Variants in PARD3B observed in about 807,000 individuals in gnomAD.
PARD3B encodes the protein par-3 family cell polarity regulator beta.
In PARD3B, 103 loss-of-function variants were observed where a neutral mutation model predicts 130.2. That is an observed-to-expected ratio of 0.79 (90% confidence interval 0.67 to 0.93). The LOEUF (loss-of-function observed/expected upper bound fraction) is 0.93. Among genes scored for constraint, PARD3B ranks in the 40% least tolerant of loss-of-function variants. PARD3B has a pLI of 0.00. For missense variants in PARD3B, 1,609 were observed against 1,499.2 expected (o/e 1.07, Z -1.21); for synonymous variants, 583 against 553.2 (o/e 1.05, Z -0.76).
intron 2 of PARD3B, among the ~76,000 whole-genome samples, chr2:204,836,595 G>A (rs1316143269): frequency 2.6e-5 from 4 of 152,150 alleles, no homozygotes; most frequent in Non-Finnish European, 5.9e-5. Context: ...CCCAGGAGGC[G>A]GAAGTTGGTG....
intron 2 of PARD3B, among the ~76,000 whole-genome samples, chr2:204,856,472 T>C (rs1392925863): frequency 1.3e-5 from 2 of 152,170 alleles, no homozygotes; most frequent in African/African-American, 4.8e-5. Flanking sequence ...GCAAATATTT[T>C]CTCCCAATCT....
chr2:204,643,758 G>A (rs1450550991), intron 1 of PARD3B, among the ~76,000 whole-genome samples: 3 of 152,142 alleles, frequency 2.0e-5, no homozygotes, highest in African/African-American at 7.2e-5. Context: ...AAGGATACTA[G>A]CAATTGCCTA....
intron 1 of PARD3B, among the ~76,000 whole-genome samples, chr2:204,572,918 G>C (rs1265317816): frequency 6.6e-6 from 1 of 152,188 alleles, no homozygotes; most frequent in Admixed American, 6.5e-5. Flanking sequence ...GGCTGCTTTG[G>C]AAATGACCAC....
At chr2:205,159,024 C>T in intron 11 of PARD3B, 117 bp downstream of exon 11, 3 of 1,081,688 alleles carry the variant, frequency 2.8e-6, no homozygotes, top group Non-Finnish European at 4.0e-6. Flanking sequence ...GACTTTCCCG[C>T]CAGATACAAA....
intron 2 of PARD3B, among the ~76,000 whole-genome samples, chr2:204,711,167 TA>T (rs2038414310): frequency 6.6e-6 from 1 of 152,224 alleles, no homozygotes; most frequent in Non-Finnish European, 1.5e-5. Flanking sequence ...TATGTTCTGA[TA>T]ACTGGACTTA....
chr2:205,444,867 G>C (rs1479414368), intron 20 of PARD3B, among the ~76,000 whole-genome samples: 1 of 152,168 alleles, frequency 6.6e-6, no homozygotes, highest in Non-Finnish European at 1.5e-5. Flanking sequence ...AGTGGAATAA[G>C]GACTAAAAAG....
rs2054112552 is a variant in PARD3B at position 205,584,336 on chromosome 2, T to C, written c.3260+30933T>C. 4.6e-5 allele frequency among the ~76,000 whole-genome samples: 7 copies of C among 152,192 alleles called. No homozygotes were observed. In the South Asian group the frequency reaches 1.5e-3, roughly 32 times the overall value. On this transcript the variant is annotated intron_variant, in intron 22 of 22. Transcript: ENST00000406610. This position sits in a 1 kb window ranked among gnomAD's most constrained non-coding sequence, Gnocchi z 5.5. The stretch of plus-strand genomic sequence containing the variant: ...ATATATTGGGTTAAGTAAAATAAAT[T>C]ATTAAAATTAGTTTTACTTTTGAAT...
chr2:205,176,433 T>C lies in PARD3B; in HGVS notation c.1792-12T>C. ...TAAAAATGCAAATGTAATTTTTACTTTTATCTCTTAGGATCCTGCAGAGTG... is the reference window on the plus strand; with the variant it reads ...TAAAAATGCAAATGTAATTTTTACTCTTATCTCTTAGGATCCTGCAGAGTG... On this transcript the variant is annotated splice_polypyrimidine_tract_variant and intron_variant, in intron 12 of 22. Coordinates refer to ENST00000406610, the MANE Select transcript of PARD3B (RefSeq NM_001302769.2). This position sits in a 1 kb window ranked among gnomAD's most constrained non-coding sequence, Gnocchi z 5.3. 2 of 1,583,440 alleles carry C rather than the reference T, an allele frequency of 1.3e-6. No homozygotes were observed. Among genetic ancestry groups the C allele is most frequent in the Non-Finnish European group, 1.7e-6 (2 of 1,170,496 alleles).
chr2:205,374,812 C>A (rs2044975638), intron 18 of PARD3B, among the ~76,000 whole-genome samples: 1 of 152,000 alleles, frequency 6.6e-6, no homozygotes, highest in Non-Finnish European at 1.5e-5. Flanking sequence ...TAAAATGAAA[C>A]AAGCCAAGAA....
chr2:205,448,084 C>T (rs955235103), intron 20 of PARD3B, among the ~76,000 whole-genome samples: 4 of 152,200 alleles, frequency 2.6e-5, no homozygotes, highest in Non-Finnish European at 5.9e-5. Flanking sequence ...AGCAAATGAC[C>T]TTGAGAAGTT....
intron 15 of PARD3B, among the ~76,000 whole-genome samples, chr2:205,223,227 G>A (rs1408013152): frequency 6.6e-6 from 1 of 152,148 alleles, no homozygotes; most frequent in Non-Finnish European, 1.5e-5. Context: ...AAGGTAAAAA[G>A]GGTACAAATC....
chr2:205,199,333 G>C (rs1372630628), intron 15 of PARD3B, among the ~76,000 whole-genome samples: 1 of 152,074 alleles, frequency 6.6e-6, no homozygotes, highest in East Asian at 1.9e-4. Flanking sequence ...GGAAGAAAGG[G>C]AAGAGGCATC....
At chr2:205,609,383 GC>G (rs747745299) in intron 22 of PARD3B, among the ~76,000 whole-genome samples, 3 of 152,200 alleles carry the variant, frequency 2.0e-5, no homozygotes, top group Non-Finnish European at 4.4e-5. Flanking sequence ...TGTGTGGCAT[GC>G]TCAAGAATAG....
At chr2:205,065,350 TGAC>T (rs559490235) in intron 4 of PARD3B, among the ~76,000 whole-genome samples, 1 of 152,230 alleles carries the variant, frequency 6.6e-6, no homozygotes, top group Admixed American at 6.5e-5. Context: ...GACATTCTGT[TGAC>T]GACAACAGTA....
At chr2:204,980,242 C>T (rs1185492789) in intron 3 of PARD3B, among the ~76,000 whole-genome samples, 1 of 152,126 alleles carries the variant, frequency 6.6e-6, no homozygotes, top group African/African-American at 2.4e-5. Context: ...CAGAAAAGCA[C>T]ATTAAAACCA....
chr2:204,813,477 C>A (rs1174586869), intron 2 of PARD3B, among the ~76,000 whole-genome samples: 1 of 151,840 alleles, frequency 6.6e-6, no homozygotes, highest in Admixed American at 6.6e-5. Flanking sequence ...TGTGGATTAT[C>A]TTCTTATTTT....
At chr2:204,939,459 G>T (rs1311067243) in intron 2 of PARD3B, among the ~76,000 whole-genome samples, 1 of 152,182 alleles carries the variant, frequency 6.6e-6, no homozygotes, top group Non-Finnish European at 1.5e-5. Flanking sequence ...TTAGGACAAT[G>T]TGTTACAGAA....
intron 2 of PARD3B, among the ~76,000 whole-genome samples, chr2:204,809,407 TG>T (rs201435601): frequency 0.011 from 1,599 of 152,248 alleles, 24 homozygotes; most frequent in African/African-American, 0.035. Flanking sequence ...TTATAGCTTT[TG>T]GTTTTACTTT....
At chr2:204,614,754 G>A (rs564375186) in intron 1 of PARD3B, among the ~76,000 whole-genome samples, 3 of 152,170 alleles carry the variant, frequency 2.0e-5, no homozygotes. Context: ...AAAGTGTGTG[G>A]TACCTCCTCA....
Sources: gnomAD v4.1 joint callset for allele counts (sites outside exome capture counted in the v4.1 genomes callset) on GRCh38, gnomAD v4.1.1 for gene constraint, Gnocchi (gnomAD v3.1) non-coding constraint, MANE v1.5 for transcripts, NCBI Gene and HGNC (gene_info 2026-07-23, HGNC 2026-07-21) for gene names.